HPSE2: variants seen among roughly 807,000 people sequenced by gnomAD.
The protein encoded by HPSE2 is heparanase 2 (inactive), also known as inactive heparanase-2.
In HPSE2, 38 loss-of-function variants were observed where a neutral mutation model predicts 60.5. The ratio of observed to expected loss-of-function variants is 0.63; its 90% confidence interval spans 0.48 to 0.82. The LOEUF is 0.82. HPSE2 is among the 40% of genes least tolerant of loss of function. HPSE2 has a pLI of 0.00. For missense variants in HPSE2, 713 were observed against 740.4 expected (o/e 0.96, Z 0.43); for synonymous variants, 295 against 293.2 (o/e 1.01, Z -0.06).
intron 3 of HPSE2, among the ~76,000 whole-genome samples, chr10:99,095,213 G>T (rs1475380703): frequency 1.3e-5 from 2 of 151,920 alleles, no homozygotes; most frequent in Non-Finnish European, 2.9e-5. Flanking sequence ...GAAAAGAAAA[G>T]AATATGAGAA....
At chr10:98,696,026 A>T (rs1948203170) in intron 5 of HPSE2, among the ~76,000 whole-genome samples, 1 of 152,170 alleles carries the variant, frequency 6.6e-6, no homozygotes, top group Non-Finnish European at 1.5e-5. Flanking sequence ...AGCAGGGAAG[A>T]TCTGATAATA....
intron 7 of HPSE2, 109 bp downstream of exon 7, chr10:98,641,738 T>G: frequency 2.4e-6 from 2 of 847,774 alleles, no homozygotes; most frequent in South Asian, 2.7e-5. Context: ...TATTTTCCTA[T>G]TTTTCTACTC....
chr10:98,989,124 G>C (rs1318652871), intron 3 of HPSE2, among the ~76,000 whole-genome samples: 1 of 152,046 alleles, frequency 6.6e-6, no homozygotes, highest in Non-Finnish European at 1.5e-5. Flanking sequence ...AATACCACTT[G>C]ACCCAGCCAT....
intron 6 of HPSE2, among the ~76,000 whole-genome samples, chr10:98,692,866 A>C (rs1305228794): frequency 6.6e-6 from 1 of 152,228 alleles, no homozygotes; most frequent in Admixed American, 6.5e-5. Flanking sequence ...GTAGACTGAA[A>C]TATTTCCCAT....
At chr10:98,977,854 TAA>T (rs1956120195) in intron 3 of HPSE2, among the ~76,000 whole-genome samples, 1 of 151,634 alleles carries the variant, frequency 6.6e-6, no homozygotes, top group South Asian at 2.1e-4. Context: ...ATTATGAATT[TAA>T]CTCTTACAAC....
chr10:98,741,808 A>G (rs1949503832), intron 4 of HPSE2, among the ~76,000 whole-genome samples: 2 of 152,160 alleles, frequency 1.3e-5, no homozygotes, highest in African/African-American at 4.8e-5. Flanking sequence ...TTAGTGTCTG[A>G]TACTCACCTC....
intron 3 of HPSE2, among the ~76,000 whole-genome samples, chr10:98,796,093 C>T (rs949825978): frequency 3.3e-5 from 5 of 152,100 alleles, no homozygotes; most frequent in Admixed American, 3.3e-4. Context: ...AAGACATTCT[C>T]AGTTGTGGTG....
chr10:99,066,358 C>T (rs1842616664), intron 3 of HPSE2, among the ~76,000 whole-genome samples: 2 of 151,904 alleles, frequency 1.3e-5, no homozygotes, highest in African/African-American at 4.8e-5. Flanking sequence ...ACCTTAAGAA[C>T]CTAGAAAAGG....
chr10:98,694,349 A>G (rs1948156238), intron 5 of HPSE2, among the ~76,000 whole-genome samples: 1 of 152,234 alleles, frequency 6.6e-6, no homozygotes, highest in East Asian at 1.9e-4. Flanking sequence ...ATGACAGCAC[A>G]AAAGATGCCT....
chr10:99,235,419 A>T, intron 1 of HPSE2, 94 bp downstream of exon 1: 1 of 1,188,528 alleles, frequency 8.4e-7, no homozygotes, highest in Non-Finnish European at 1.3e-6. Context: ...TGCTTGGCTT[A>T]TTTTCTTCTT....
chr10:98,620,140 G>A (rs1036384446), intron 8 of HPSE2, among the ~76,000 whole-genome samples: 4 of 152,190 alleles, frequency 2.6e-5, no homozygotes, highest in African/African-American at 4.8e-5. Context: ...GGTAAGCACC[G>A]TATCATTAAA....
chr10:98,808,363 CTT>C (rs1450449092), intron 3 of HPSE2, among the ~76,000 whole-genome samples: 1 of 152,076 alleles, frequency 6.6e-6, no homozygotes, highest in Non-Finnish European at 1.5e-5. Context: ...AGAAACGTTT[CTT>C]TTATTTGTTC....
chr10:99,217,152 G>A (rs893607297), intron 2 of HPSE2, among the ~76,000 whole-genome samples: 1 of 151,142 alleles, frequency 6.6e-6, no homozygotes, highest in African/African-American at 2.4e-5. Flanking sequence ...TCTGCCTTTC[G>A]GTGAACATTT....
chr10:99,110,350 G>T (rs923170873), intron 3 of HPSE2, among the ~76,000 whole-genome samples: 1 of 152,108 alleles, frequency 6.6e-6, no homozygotes, highest in Admixed American at 6.6e-5. Flanking sequence ...GCTCCTCAGG[G>T]TATGTGCAAA....
intron 10 of HPSE2, among the ~76,000 whole-genome samples, chr10:98,488,886 T>G (rs1162344272): frequency 6.6e-6 from 1 of 152,244 alleles, no homozygotes; most frequent in Non-Finnish European, 1.5e-5. Flanking sequence ...TAGGCACTTG[T>G]ATCTACTGAC....
At chr10:98,696,170 AC>A (rs1222731130) in intron 5 of HPSE2, among the ~76,000 whole-genome samples, 2 of 152,028 alleles carry the variant, frequency 1.3e-5, no homozygotes, top group Non-Finnish European at 2.9e-5. Flanking sequence ...AAATGTAAAA[AC>A]AAATGTTTAC....
chr10:99,232,246 C>A (rs1589850265), intron 2 of HPSE2, 102 bp downstream of exon 2: 12 of 1,359,346 alleles, frequency 8.8e-6, no homozygotes, highest in Admixed American at 2.0e-5. Flanking sequence ...CACACACACA[C>A]ACACACACAC....
intron 10 of HPSE2, among the ~76,000 whole-genome samples, chr10:98,483,284 T>G (rs527367315): frequency 6.6e-6 from 1 of 152,334 alleles, no homozygotes; most frequent in South Asian, 2.1e-4. Context: ...ACAGAGATTT[T>G]TTTCCATTAA....
chr10:98,709,668 A>G (rs532630496), intron 5 of HPSE2, among the ~76,000 whole-genome samples: 1 of 152,340 alleles, frequency 6.6e-6, no homozygotes, highest in East Asian at 1.9e-4. Context: ...TTTCATTGTG[A>G]GAGTTCCTAC....
Sources: gnomAD v4.1 joint callset for allele counts (sites outside exome capture counted in the v4.1 genomes callset) on GRCh38, gnomAD v4.1.1 for gene constraint, MANE v1.5 for transcripts, NCBI Gene and HGNC (gene_info 2026-07-23, HGNC 2026-07-21) for gene names.